IDE: variants seen among roughly 807,000 people sequenced by gnomAD.
IDE encodes the protein insulin degrading enzyme.
Under a neutral mutation model 133.2 loss-of-function variants are expected in IDE, and 58 were observed. The ratio of observed to expected loss-of-function variants is 0.44; its 90% CI spans 0.35 to 0.54. IDE has a LOEUF of 0.54. Ranked by LOEUF, IDE falls within the 20% of genes least tolerant of loss-of-function variation. IDE has a pLI of 0.00. For synonymous variants in IDE, 396 were observed against 421.3 expected, an observed-to-expected ratio of 0.94 and a Z score of 0.73; for missense variants, 981 against 1,234.0, an observed-to-expected ratio of 0.79 and a Z score of 3.07.
chr10:92,485,413 C>T (rs111635648), intron 13 of IDE, among the ~76,000 whole-genome samples: 5,905 of 152,268 alleles, frequency 0.039, 184 homozygotes, highest in Middle Eastern at 0.088. Context: ...GCCACTGCAT[C>T]TGGCCTAACT....
In IDE at chr10:92,476,057, G is replaced by A. The variant is rs568849252; in HGVS notation, c.1885-63C>T. On this transcript the variant is annotated intron_variant, in intron 15 of 24. Coordinates refer to ENST00000265986, the MANE Select transcript of IDE (RefSeq NM_004969.4). Reference sequence around the variant, plus strand: ...ATCACAAAACAACTTCCAAATAAACGACTTGATTTTTAAACATGTAGAAAA... The same window carrying A: ...ATCACAAAACAACTTCCAAATAAACAACTTGATTTTTAAACATGTAGAAAA... 6.4e-5 allele frequency: 45 copies of A among 704,148 alleles called. No homozygotes were observed. In the African/African-American group the frequency reaches 7.1e-4, roughly 11 times the overall value. 43.6% of individuals were successfully genotyped at this position (704,148 alleles called of 1,614,324 possible). A position where few individuals can be genotyped will look rare whatever the true frequency, so the allele number is the denominator to read the frequency against.
At chr10:92,524,355 A>AT (rs1414885005) in intron 4 of IDE, among the ~76,000 whole-genome samples, 1 of 24,244 alleles carries the variant, frequency 4.1e-5, no homozygotes, top group African/African-American at 2.2e-4. Flanking sequence ...TATATAATAT[A>AT]TTTTATATTA....
chr10:92,478,758 T>G (rs1452108955), intron 15 of IDE: 3 of 1,263,838 alleles, frequency 2.4e-6, no homozygotes, highest in Admixed American at 2.6e-5. Context: ...TATGTCATGT[T>G]GCAATGGAGA....
At position 92,491,614 on chromosome 10, in the gene IDE, T is replaced by C. The variant is rs369948104; in HGVS notation, c.1431-1019A>G. 5.5e-5 allele frequency among the ~76,000 whole-genome samples: 8 copies of C among 144,974 alleles called. No homozygotes were observed. In the East Asian group the frequency reaches 1.6e-3, roughly 29 times the overall value. Reference sequence around the variant, plus strand: ...ACCACGCCTGGCTAATTTTTGTTTTTGTTTTTTTTTTTTGAGTTGGAGTTT... The same window carrying C: ...ACCACGCCTGGCTAATTTTTGTTTTCGTTTTTTTTTTTTGAGTTGGAGTTT... On this transcript the variant is annotated intron_variant, in intron 11 of 24. Transcript: ENST00000265986.
chr10:92,494,727 G>C (rs1358236543), intron 11 of IDE, among the ~76,000 whole-genome samples: 2 of 152,224 alleles, frequency 1.3e-5, no homozygotes, highest in Non-Finnish European at 2.9e-5. Context: ...AGCGAATGCA[G>C]CTGTCGAAGC....
chr10:92,456,375 G>A lies in IDE; in HGVS notation c.2880C>T (p.Ala960=). ...GATACTTACAAGAATCCATTTCCCT[G>A]GCAAGAACATGGACGGATACCTTAT... The part of the protein sequence containing the change: ...RRHKVSVHVL[A]REMDSCPVVG... The change falls in exon 23 of 25, where the codon GCC becomes GCT. Residue 960 remains alanine, a synonymous_variant. Transcript: ENST00000265986. 6.2e-7 allele frequency: 1 copy of A among 1,613,042 alleles called. No homozygotes were observed.
intron 23 of IDE, 63 bp downstream of exon 23, chr10:92,456,296 A>G: frequency 1.8e-6 from 2 of 1,132,618 alleles, no homozygotes; most frequent in Non-Finnish European, 2.7e-6. Context: ...GCATGTAGCT[A>G]TGACAAAGGC....
intron 4 of IDE, 145 bp from the exon 5 acceptor site, chr10:92,515,187 G>T: frequency 1.6e-6 from 1 of 631,554 alleles, no homozygotes; most frequent in Non-Finnish European, 2.7e-6. Flanking sequence ...TGAATGTTAA[G>T]TGAATAAACA....
At chr10:92,476,273 A>T (rs1301640153) in intron 15 of IDE, among the ~76,000 whole-genome samples, 2 of 151,584 alleles carry the variant, frequency 1.3e-5, no homozygotes, top group Non-Finnish European at 2.9e-5. Flanking sequence ...TCCCAGGTTC[A>T]GGCAATTCTC....
chr10:92,456,122 C>T (rs1372037061), intron 23 of IDE, among the ~76,000 whole-genome samples: 1 of 152,212 alleles, frequency 6.6e-6, no homozygotes, highest in Non-Finnish European at 1.5e-5. Context: ...GACACCCCAA[C>T]AGCAAGCAGC....
chr10:92,478,794 CAAAAA>C, intron 15 of IDE: 2 of 1,201,924 alleles, frequency 1.7e-6, no homozygotes, highest in Non-Finnish European at 2.1e-6. Flanking sequence ...TAGCGACTAA[CAAAAA>C]GAAAAACAAA....
chr10:92,464,389 C>T (rs2135342614), intron 20 of IDE, among the ~76,000 whole-genome samples: 1 of 152,296 alleles, frequency 6.6e-6, no homozygotes, highest in Admixed American at 6.5e-5. Flanking sequence ...CTTTAACATC[C>T]AAGTTCCGCA....
chr10:92,517,335 AC>A (rs1164777452), intron 4 of IDE, among the ~76,000 whole-genome samples: 5 of 152,140 alleles, frequency 3.3e-5, no homozygotes, highest in African/African-American at 1.2e-4. Context: ...TAACTCATTA[AC>A]CTTTTCCTAG....
chr10:92,518,410 T>C (rs1849041558), intron 4 of IDE, among the ~76,000 whole-genome samples: 1 of 152,186 alleles, frequency 6.6e-6, no homozygotes, highest in South Asian at 2.1e-4. Context: ...TATAAGACTA[T>C]TACTTAACAA....
At chr10:92,549,468 A>T (rs1842683384) in intron 1 of IDE, among the ~76,000 whole-genome samples, 1 of 152,114 alleles carries the variant, frequency 6.6e-6, no homozygotes, top group East Asian at 1.9e-4. Flanking sequence ...TCAATCAATC[A>T]ATCAATCAAT....
At position 92,485,105 on chromosome 10, in the gene IDE, TTTTC is replaced by T. The variant is rs202132611; in HGVS notation, c.1657-1772_1657-1769del. On this transcript the variant is annotated intron_variant, in intron 13 of 24. Transcript: ENST00000265986. ...ATAATAATTGTTGTGGGTTGTTTCT[TTTTC>T]TTTCTTTCTTTCTTTCTTTTTTTTT... Among the ~76,000 whole-genome samples, 706 of 141,712 alleles carry T rather than the reference TTTTC, an allele frequency of 5.0e-3. 14 individuals carry two copies. The highest frequency in any genetic ancestry group is 0.011 in the African/African-American group (414 of 37,592). 93.0% of individuals were successfully genotyped at this position (141,712 alleles called of 152,430 possible).
intron 13 of IDE, among the ~76,000 whole-genome samples, chr10:92,485,215 C>A (rs573857626): frequency 6.7e-6 from 1 of 149,340 alleles, no homozygotes; most frequent in South Asian, 2.1e-4. Context: ...ACAATCTCCA[C>A]CTCCTGGGTT....
At chr10:92,479,063 A>C (rs1225783921) in intron 15 of IDE, among the ~76,000 whole-genome samples, 1 of 152,236 alleles carries the variant, frequency 6.6e-6, no homozygotes, top group Non-Finnish European at 1.5e-5. Context: ...GACGTTTAAA[A>C]AAAAAGAAAT....
intron 15 of IDE, 33 bp downstream of exon 15, chr10:92,479,241 TTGA>T: frequency 6.7e-7 from 1 of 1,486,984 alleles, no homozygotes; most frequent in African/African-American, 1.4e-5. Context: ...ATAAAAAATG[TTGA>T]TGAGTGGAAG....
Sources: gnomAD v4.1 joint callset for allele counts (sites outside exome capture counted in the v4.1 genomes callset) on GRCh38, gnomAD v4.1.1 for gene constraint, MANE v1.5 for transcripts, NCBI Gene and HGNC (gene_info 2026-07-23, HGNC 2026-07-21) for gene names.